Variants in PKD1L3 observed in about 807,000 individuals in gnomAD.
PKD1L3 encodes the protein polycystin-1-like protein 3.
PKD1L3 carries 239 observed loss-of-function variants against 184.1 expected under a neutral mutation model. That is an observed-to-expected ratio of 1.30 (90% CI 1.17 to 1.45). The LOEUF is 1.45. PKD1L3 is among the 40% of genes most tolerant of loss of function. The probability of loss-of-function intolerance (pLI) is 0.00; values close to 1 mark genes in which losing one functional copy is unlikely to be tolerated. For synonymous variants in PKD1L3, 996 were observed against 778.8 expected (o/e 1.28, Z -4.64); for missense variants, 2,660 against 2,067.2 (o/e 1.29, Z -5.56).
At chr16:71,958,819 G>A (rs1214811814) in intron 16 of PKD1L3, among the ~76,000 whole-genome samples, 1 of 142,882 alleles carries the variant, frequency 7.0e-6, no homozygotes, top group Non-Finnish European at 1.5e-5. Flanking sequence ...GGGCACGGTG[G>A]CTCACACCTG....
chr16:71,992,948 C>T (rs1052798871), intron 3 of PKD1L3, among the ~76,000 whole-genome samples: 4 of 152,262 alleles, frequency 2.6e-5, no homozygotes, highest in Admixed American at 6.5e-5. Flanking sequence ...AACTTTAAGA[C>T]GACTACTTTG....
intron 16 of PKD1L3, among the ~76,000 whole-genome samples, chr16:71,958,259 C>T (rs958494088): frequency 7.3e-4 from 110 of 149,892 alleles, no homozygotes; most frequent in South Asian, 1.1e-3. Context: ...TAGTGGCGGG[C>T]GCCTGTAGTC....
rs751841283 is a variant in PKD1L3 at position 71,950,283 on chromosome 16, C to A, written c.3218G>T (p.Cys1073Phe). The change falls in exon 20 of 30, where the codon TGC becomes TTC. Residue 1073 changes from cysteine (C) to phenylalanine (F), a missense_variant. Cys to Phe is a radical substitution (Grantham distance 205). Coordinates refer to ENST00000620267, the MANE Select transcript of PKD1L3 (RefSeq NM_181536.2). ...CTGCAGAACTCTATGCAGGTAACAG[C>A]AGAAATGATGGTGGTTTTCAGGAAC... ...RVVPENHHHF[C>F]CYLHRVLQRL... 1.3e-6 allele frequency: 2 copies of A among 1,530,176 alleles called. No individual in the cohort carries two copies. The highest frequency in any genetic ancestry group is 8.8e-7 in the Non-Finnish European group (1 of 1,135,424). 94.8% of individuals were successfully genotyped at this position (1,530,176 alleles called of 1,614,324 possible).
At position 71,933,491 on chromosome 16, in the gene PKD1L3, CAG is replaced by C. The variant is rs1222340502; in HGVS notation, c.4853_4854del (p.Ser1618Ter). 9.7e-6 allele frequency: 15 copies of C among 1,551,556 alleles called. No homozygotes were observed. The highest frequency in any genetic ancestry group is 2.4e-5 in the East Asian group (1 of 40,926). ...GCTGAGCTGAAAAATGTCCGGTAGT[CAG>C]AGATGCTGCATCCAAACAGCAGGTT... is the stretch of plus-strand genomic sequence containing the variant. ...AFNLLFGCSI[S>X]DYRTFFSSAV... On this transcript the variant is annotated frameshift_variant, in exon 28 of 30. Transcript: ENST00000620267. LOFTEE classifies it high-confidence loss of function.
chr16:71,933,131 C>T (rs747558719), intron 28 of PKD1L3, among the ~76,000 whole-genome samples: 3 of 151,962 alleles, frequency 2.0e-5, no homozygotes, highest in Non-Finnish European at 2.9e-5. Flanking sequence ...TTAATCTGGC[C>T]AAGCACAAGA....
intron 12 of PKD1L3, among the ~76,000 whole-genome samples, chr16:71,971,523 C>T (rs1183725105): frequency 6.6e-6 from 1 of 152,088 alleles, no homozygotes; most frequent in Non-Finnish European, 1.5e-5. Flanking sequence ...TCATGGAGTC[C>T]AAGCACTTCA....
intron 2 of PKD1L3, among the ~76,000 whole-genome samples, chr16:71,997,112 A>G (rs2040813956): frequency 1.3e-5 from 2 of 152,110 alleles, no homozygotes; most frequent in African/African-American, 4.8e-5. Flanking sequence ...TGCTATGGCT[A>G]GACCACAGTG....
intron 5 of PKD1L3, among the ~76,000 whole-genome samples, chr16:71,985,066 C>T (rs1486805377): frequency 6.6e-6 from 1 of 152,182 alleles, no homozygotes; most frequent in Non-Finnish European, 1.5e-5. Flanking sequence ...GAGAATACCT[C>T]ACTCACAGCC....
At chr16:71,987,106 G>A (rs1040483816) in intron 4 of PKD1L3, among the ~76,000 whole-genome samples, 1 of 150,448 alleles carries the variant, frequency 6.6e-6, no homozygotes, top group Non-Finnish European at 1.5e-5. Flanking sequence ...TGTATTTTTA[G>A]TAGAGATGGG....
chr16:71,985,428 T>A (rs1392923329), intron 5 of PKD1L3, among the ~76,000 whole-genome samples: 1 of 152,084 alleles, frequency 6.6e-6, no homozygotes, highest in African/African-American at 2.4e-5. Flanking sequence ...GGACTTTGCC[T>A]TTTTTTGAGA....
chr16:71,996,391 C>G (rs542949763), intron 2 of PKD1L3, among the ~76,000 whole-genome samples: 99 of 151,334 alleles, frequency 6.5e-4, no homozygotes, highest in Non-Finnish European at 1.0e-3. Flanking sequence ...CTCCTGAGTA[C>G]CTGGGACTAC....
At chr16:71,975,396 T>C in intron 11 of PKD1L3, among the ~76,000 whole-genome samples, 1 of 152,214 alleles carries the variant, frequency 6.6e-6, no homozygotes, top group Non-Finnish European at 1.5e-5. Flanking sequence ...CAGAAATTCT[T>C]AACTTTTCTA....
chr16:71,983,659 C>CT lies in PKD1L3; in HGVS notation c.966+376dup, dbSNP rs66523761. 1.6e-3 allele frequency among the ~76,000 whole-genome samples: 146 copies of CT among 92,422 alleles called. 39 individuals carry two copies. Among genetic ancestry groups the CT allele is most frequent in the East Asian group, 1.7e-3 (5 of 2,944 alleles). The allele number at this position is 92,422 out of a possible 152,430, so 60.6% of individuals were successfully genotyped here. ...GCATAAGGCACAATCTCCAGATTCTCTTTCTTTTTTTTTTTTTTTTTTTTT... is the reference window on the plus strand; with the variant it reads ...GCATAAGGCACAATCTCCAGATTCTCTTTTCTTTTTTTTTTTTTTTTTTTTT... On this transcript the variant is annotated intron_variant, in intron 6 of 29. Coordinates refer to ENST00000620267, the MANE Select transcript of PKD1L3 (RefSeq NM_181536.2).
chr16:71,982,475 G>T (rs1315165074), intron 6 of PKD1L3, among the ~76,000 whole-genome samples: 1 of 151,748 alleles, frequency 6.6e-6, no homozygotes, highest in Non-Finnish European at 1.5e-5. Context: ...AGCAGAGATG[G>T]AGTTTCTCCA....
Position 71,933,975 on chromosome 16 carries a change from C to G in PKD1L3, c.4764G>C (p.Trp1588Cys), listed in dbSNP as rs1289165974. The G allele has an allele frequency of 1.3e-6, 2 of 1,551,638 alleles. No homozygotes were observed. The highest frequency in any genetic ancestry group is 2.4e-5 in the South Asian group (2 of 84,052). Residue 1588 changes from tryptophan to cysteine, a missense_variant, in exon 27 of 30, where the codon TGG becomes TGC. Physicochemically the swap from Trp to Cys is radical, Grantham distance 215. Coordinates refer to ENST00000620267, the MANE Select transcript of PKD1L3 (RefSeq NM_181536.2). ...RVISRTLSRA[W>C]DEVVGFLLII... ...TCAGCAGAAAGCCCACCACCTCGTC[C>G]CAGGCTCGGCTCAGTGTCCTGCTGA...
chr16:71,973,778 G>C (rs562387206), intron 11 of PKD1L3, among the ~76,000 whole-genome samples: 349 of 152,202 alleles, frequency 2.3e-3, no homozygotes, highest in Non-Finnish European at 4.1e-3. Flanking sequence ...GATGCGGGCG[G>C]ATCACTTGAG....
At chr16:71,979,732 T>C (rs924953396) in intron 9 of PKD1L3, 54 bp downstream of exon 9, 1 of 1,459,090 alleles carries the variant, frequency 6.9e-7, no homozygotes, top group Non-Finnish European at 9.0e-7. Context: ...CCCAAATGCC[T>C]ACATGGCCAT....
chr16:71,978,992 G>A (rs1376488915), intron 9 of PKD1L3, among the ~76,000 whole-genome samples: 1 of 152,066 alleles, frequency 6.6e-6, no homozygotes, highest in African/African-American at 2.4e-5. Flanking sequence ...TATATCTAGA[G>A]GATTCTATTT....
At chr16:71,979,464 AACAAG>A (rs1188743688) in intron 9 of PKD1L3, among the ~76,000 whole-genome samples, 2 of 119,064 alleles carry the variant, frequency 1.7e-5, no homozygotes, top group East Asian at 2.0e-4. Context: ...AACAAAACAA[AACAAG>A]ACAAAACAAA....
Sources: gnomAD v4.1 joint callset for allele counts (sites outside exome capture counted in the v4.1 genomes callset) on GRCh38, gnomAD v4.1.1 for gene constraint, MANE v1.5 for transcripts, NCBI Gene and HGNC (gene_info 2026-07-23, HGNC 2026-07-21) for gene names.